Variants in DLGAP2 observed in about 807,000 individuals in gnomAD.
DLGAP2 encodes the protein disks large-associated protein 2.
DLGAP2 carries 26 observed loss-of-function variants against 100.3 expected under a neutral mutation model. The observed-to-expected ratio is 0.26, with a 90% CI of 0.19 to 0.36. The LOEUF (loss-of-function observed/expected upper bound fraction) is 0.36, where lower values mean the gene tolerates loss of function less well. Ranked by LOEUF, DLGAP2 falls within the 10% of genes least tolerant of loss-of-function variation. The pLI is 1.00. For missense variants in DLGAP2, 1,858 were observed against 1,453.2 expected (o/e 1.28, Z -4.53); for synonymous variants, 886 against 630.1 (o/e 1.41, Z -6.08).
chr8:1,062,078 T>C (rs757066479), intron 2 of DLGAP2, among the ~76,000 whole-genome samples: 11 of 151,710 alleles, frequency 7.3e-5, no homozygotes, highest in Non-Finnish European at 1.0e-4. Flanking sequence ...GGCACCTGCT[T>C]TCTGTAATTG....
At chr8:1,485,504 T>C (rs574291851) in intron 3 of DLGAP2, among the ~76,000 whole-genome samples, 19 of 152,372 alleles carry the variant, frequency 1.2e-4, no homozygotes, top group African/African-American at 4.3e-4. Flanking sequence ...TGCAGATTTT[T>C]ATAGCAGACG....
At chr8:1,268,085 A>G (rs1198308026) in intron 3 of DLGAP2, among the ~76,000 whole-genome samples, 1 of 152,252 alleles carries the variant, frequency 6.6e-6, no homozygotes, top group African/African-American at 2.4e-5. Context: ...ATGCAGAATG[A>G]TATAAAATTC....
chr8:1,447,587 GATGCTGGCCTCATAAA>G (rs1798016978), intron 3 of DLGAP2, among the ~76,000 whole-genome samples: 1 of 152,224 alleles, frequency 6.6e-6, no homozygotes, highest in Non-Finnish European at 1.5e-5. Flanking sequence ...GTATCAGAAT[GATGCTGGCCTCATAAA>G]ATGAGTTTGT....
At chr8:1,022,119 C>G (rs1465866424) in intron 2 of DLGAP2, among the ~76,000 whole-genome samples, 3 of 152,174 alleles carry the variant, frequency 2.0e-5, no homozygotes, top group Non-Finnish European at 2.9e-5. Context: ...CAATGCCCGT[C>G]TGAGGGCCAT....
At position 1,287,939 on chromosome 8, in the gene DLGAP2, C is replaced by CGTGT. The variant is rs1182048644; in HGVS notation, c.106+29072_106+29075dup. Among the ~76,000 whole-genome samples, 16 of 69,878 alleles carry CGTGT rather than the reference C, an allele frequency of 2.3e-4. 1 individual carries two copies. Among genetic ancestry groups the CGTGT allele is most frequent in the African/African-American group, 4.8e-4 (8 of 16,740 alleles). 45.8% of individuals were successfully genotyped at this position (69,878 alleles called of 152,430 possible). A position where few individuals can be genotyped will look rare whatever the true frequency, so the allele number is the denominator to read the frequency against. On this transcript the variant is annotated intron_variant, in intron 3 of 14. Transcript: ENST00000637795. ...AGGAGGGGAACTAGTTTTGGTTCAG[C>CGTGT]GTGTGTGTGTGTGTGTGTGGTTGTT...
At chr8:968,592 C>T (rs751674388) in intron 2 of DLGAP2, among the ~76,000 whole-genome samples, 2 of 152,210 alleles carry the variant, frequency 1.3e-5, no homozygotes, top group African/African-American at 2.4e-5. Flanking sequence ...CCCAAGCCAG[C>T]GCCATGAGTG....
intron 3 of DLGAP2, among the ~76,000 whole-genome samples, chr8:1,279,690 T>C (rs1324134149): frequency 6.6e-6 from 1 of 152,188 alleles, no homozygotes; most frequent in African/African-American, 2.4e-5. Flanking sequence ...GGTGCTGGCT[T>C]CCAAGCTCGC....
chr8:816,483 C>G (rs925073224), intron 1 of DLGAP2, among the ~76,000 whole-genome samples: 1 of 152,096 alleles, frequency 6.6e-6, no homozygotes, highest in African/African-American at 2.4e-5. Flanking sequence ...ATTTACGAAG[C>G]TTAGTATCAC....
At chr8:1,634,629 G>A (rs184338385) in intron 8 of DLGAP2, among the ~76,000 whole-genome samples, 61 of 152,210 alleles carry the variant, frequency 4.0e-4, no homozygotes, top group African/African-American at 1.3e-3. Flanking sequence ...GAAAAACAGC[G>A]GTCCAAGAGA....
intron 8 of DLGAP2, among the ~76,000 whole-genome samples, chr8:1,658,720 T>C (rs901211032): frequency 6.6e-6 from 1 of 152,210 alleles, no homozygotes; most frequent in African/African-American, 2.4e-5. Flanking sequence ...TGTGTCTATT[T>C]GATTCTTCTC....
chr8:1,169,854 C>T (rs921054786), intron 2 of DLGAP2, among the ~76,000 whole-genome samples: 5 of 151,742 alleles, frequency 3.3e-5, no homozygotes, highest in Non-Finnish European at 7.4e-5. Context: ...TTCCTCTTTT[C>T]CTAATTGAAT....
At chr8:1,050,339 G>T (rs1198704503) in intron 2 of DLGAP2, among the ~76,000 whole-genome samples, 2 of 152,120 alleles carry the variant, frequency 1.3e-5, no homozygotes. Flanking sequence ...TCACTTTCAG[G>T]ATAGTACTCA....
Position 1,484,662 on chromosome 8 carries a change from C to A in DLGAP2, c.107-16704C>A, listed in dbSNP as rs1299558776. 2.6e-5 allele frequency among the ~76,000 whole-genome samples: 4 copies of A among 152,350 alleles called. No homozygotes were observed. In the East Asian group the frequency reaches 7.7e-4, roughly 29 times the overall value. On this transcript the variant is annotated intron_variant, in intron 3 of 14. Coordinates refer to ENST00000637795, the MANE Select transcript of DLGAP2 (RefSeq NM_001346810.2). ...GGACAGGAATTTCTGGTGAAAGTGG[C>A]TGAGGCATTTGATAGAAAGATATTC...
chr8:1,134,401 A>G (rs12677941), intron 2 of DLGAP2, among the ~76,000 whole-genome samples: 1 of 152,124 alleles, frequency 6.6e-6, no homozygotes, highest in Non-Finnish European at 1.5e-5. Flanking sequence ...TCTTTGAGGC[A>G]TCACCACTCT....
At chr8:1,317,177 G>C (rs1163551543) in intron 3 of DLGAP2, among the ~76,000 whole-genome samples, 5 of 126,136 alleles carry the variant, frequency 4.0e-5, no homozygotes, top group South Asian at 5.2e-4. Flanking sequence ...AAAATAGAGC[G>C]TGTGTGAGTG....
At chr8:1,175,465 A>G (rs1445285658) in intron 2 of DLGAP2, among the ~76,000 whole-genome samples, 1 of 152,216 alleles carries the variant, frequency 6.6e-6, no homozygotes, top group African/African-American at 2.4e-5. Flanking sequence ...TAAAAGCATA[A>G]TTTGATCACT....
chr8:1,311,965 T>C (rs991970938), intron 3 of DLGAP2, among the ~76,000 whole-genome samples: 1 of 152,218 alleles, frequency 6.6e-6, no homozygotes, highest in Non-Finnish European at 1.5e-5. Context: ...AGATTTTGAG[T>C]GTCTGCTCTC....
intron 3 of DLGAP2, among the ~76,000 whole-genome samples, chr8:1,497,472 C>T (rs187891660): frequency 5.3e-5 from 8 of 152,328 alleles, no homozygotes. Context: ...CCAGGCGGCC[C>T]ATCTTTCCAA....
At chr8:876,811 G>C (rs1175565557) in intron 1 of DLGAP2, among the ~76,000 whole-genome samples, 1 of 152,118 alleles carries the variant, frequency 6.6e-6, no homozygotes, top group African/African-American at 2.4e-5. Context: ...AGCTCCTTCA[G>C]TTGTCTCTGT....
Sources: gnomAD v4.1 joint callset for allele counts (sites outside exome capture counted in the v4.1 genomes callset) on GRCh38, gnomAD v4.1.1 for gene constraint, MANE v1.5 for transcripts, NCBI Gene and HGNC (gene_info 2026-07-23, HGNC 2026-07-21) for gene names.